TESC: variants seen among roughly 807,000 people sequenced by gnomAD.
TESC encodes tescalcin, also known as calcineurin B homologous protein 3.
Under a neutral mutation model 31.0 loss-of-function variants are expected in TESC, and 19 were observed. The observed-to-expected ratio is 0.61, with a 90% confidence interval of 0.43 to 0.90. The LOEUF (loss-of-function observed/expected upper bound fraction) is 0.90. Ranked by LOEUF, TESC falls within the 40% of genes least tolerant of loss-of-function variation. The pLI is 0.00. For missense variants in TESC, 248 were observed against 303.8 expected, an observed-to-expected ratio of 0.82 and a Z score of 1.36; for synonymous variants, 109 against 114.8, an observed-to-expected ratio of 0.95 and a Z score of 0.32.
intron 2 of TESC, among the ~76,000 whole-genome samples, chr12:117,074,725 T>C (rs1424370001): frequency 2.0e-5 from 3 of 152,002 alleles, no homozygotes; most frequent in Non-Finnish European, 4.4e-5. Flanking sequence ...GAAGTCAGGG[T>C]GAGGCATGGG....
At chr12:117,073,487 T>G (rs904906491) in intron 2 of TESC, among the ~76,000 whole-genome samples, 2 of 152,198 alleles carry the variant, frequency 1.3e-5, no homozygotes, top group Admixed American at 1.3e-4. Context: ...CTCTTGAAAT[T>G]AAGAATGAAA....
rs191809938 is a variant in TESC at position 117,070,507 on chromosome 12, G to A, written c.128+4764C>T. Among the ~76,000 whole-genome samples, 316 of 152,258 alleles carry A rather than the reference G, an allele frequency of 2.1e-3. 2 individuals carry two copies. The highest frequency in any genetic ancestry group is 7.3e-3 in the African/African-American group (304 of 41,544). ...GCTCTGAGACCAAGGCAGTGGTGAC[G>A]GGAATTATAAACGCACCTCCCCCAC... On this transcript the variant is annotated intron_variant, in intron 2 of 7. Transcript: ENST00000335209.
chr12:117,040,898 C>G (rs1217190667), intron 7 of TESC, among the ~76,000 whole-genome samples: 4 of 152,222 alleles, frequency 2.6e-5, no homozygotes, highest in Non-Finnish European at 5.9e-5. Context: ...GGCCAGAAGC[C>G]GTGATCCTTC....
At chr12:117,069,179 G>C (rs1457720419) in intron 2 of TESC, among the ~76,000 whole-genome samples, 1 of 152,078 alleles carries the variant, frequency 6.6e-6, no homozygotes, top group Non-Finnish European at 1.5e-5. Context: ...ATGAATTCAG[G>C]TCTTGAGGAT....
chr12:117,099,308 C>A lies in TESC; in HGVS notation c.-26G>T. The A allele has an allele frequency of 2.8e-6, 4 of 1,421,906 alleles. No homozygotes were observed. Among genetic ancestry groups the A allele is most frequent in the Admixed American group, 2.9e-5 (1 of 34,416 alleles). 88.1% of individuals were successfully genotyped at this position (1,421,906 alleles called of 1,614,324 possible). A position where few individuals can be genotyped will look rare whatever the true frequency, so the allele number is the denominator to read the frequency against. On this transcript the variant is annotated 5_prime_UTR_variant, in exon 1 of 8. Coordinates refer to ENST00000335209, the MANE Select transcript of TESC (RefSeq NM_017899.4). ...GGTGCCCGCGGCGGGGGCCCCGGGG[C>A]GCGCGTCCCTCTCAGGCCCCGCACT...
At chr12:117,065,453 G>C (rs1235168244) in intron 2 of TESC, among the ~76,000 whole-genome samples, 1 of 152,196 alleles carries the variant, frequency 6.6e-6, no homozygotes, top group African/African-American at 2.4e-5. Flanking sequence ...CACCACAGAG[G>C]AACGGGGGAC....
At chr12:117,097,187 A>G (rs1441257230) in intron 1 of TESC, among the ~76,000 whole-genome samples, 2 of 152,136 alleles carry the variant, frequency 1.3e-5, no homozygotes, top group East Asian at 1.9e-4. Context: ...CCACCTACCT[A>G]AAGTTCCACC....
intron 2 of TESC, among the ~76,000 whole-genome samples, chr12:117,066,993 C>A (rs1399491427): frequency 6.6e-6 from 1 of 152,208 alleles, no homozygotes; most frequent in Non-Finnish European, 1.5e-5. Flanking sequence ...CACCTTTTCA[C>A]ACCAAACTAC....
At chr12:117,078,575 G>T (rs1014039353) in intron 1 of TESC, among the ~76,000 whole-genome samples, 1 of 152,094 alleles carries the variant, frequency 6.6e-6, no homozygotes, top group Non-Finnish European at 1.5e-5. Flanking sequence ...ATTGTTTTTA[G>T]GTATACTGCC....
intron 1 of TESC, among the ~76,000 whole-genome samples, chr12:117,093,853 T>C (rs916190268): frequency 6.6e-6 from 1 of 152,028 alleles, no homozygotes; most frequent in East Asian, 1.9e-4. Flanking sequence ...AAGAGCTGTT[T>C]TGGAGCCTGA....
At chr12:117,045,838 G>A (rs1051767425) in intron 6 of TESC, among the ~76,000 whole-genome samples, 2 of 152,218 alleles carry the variant, frequency 1.3e-5, no homozygotes, top group African/African-American at 4.8e-5. Flanking sequence ...CGACACCCAG[G>A]TGGTCACCTG....
intron 6 of TESC, among the ~76,000 whole-genome samples, chr12:117,044,317 T>C (rs1337051156): frequency 1.3e-5 from 2 of 152,072 alleles, no homozygotes; most frequent in Non-Finnish European, 2.9e-5. Flanking sequence ...ACCCAGCAGT[T>C]CTCGGCTAGC....
intron 6 of TESC, among the ~76,000 whole-genome samples, chr12:117,042,897 T>C (rs1954505826): frequency 6.6e-6 from 1 of 152,108 alleles, no homozygotes; most frequent in Non-Finnish European, 1.5e-5. Flanking sequence ...CGCTAAGCTG[T>C]GGGAGTTACT....
chr12:117,044,340 T>C (rs1343009147), intron 6 of TESC, among the ~76,000 whole-genome samples: 1 of 152,062 alleles, frequency 6.6e-6, no homozygotes, highest in Admixed American at 6.5e-5. Flanking sequence ...GGGCCAGCCC[T>C]GTCCCTAATG....
At chr12:117,041,553 GA>G (rs1954483952) in intron 7 of TESC, among the ~76,000 whole-genome samples, 1 of 151,948 alleles carries the variant, frequency 6.6e-6, no homozygotes, top group Non-Finnish European at 1.5e-5. Context: ...AGCTGGTCTC[GA>G]ACTCCTGACG....
chr12:117,048,873 G>A (rs1954605672), intron 4 of TESC, 146 bp downstream of exon 4: 7 of 1,261,002 alleles, frequency 5.6e-6, no homozygotes, highest in Non-Finnish European at 7.8e-6. Context: ...AGCCTCACAG[G>A]GACGAGGGCT....
chr12:117,040,413 G>A (rs1592987312), intron 7 of TESC, among the ~76,000 whole-genome samples: 2 of 152,354 alleles, frequency 1.3e-5, no homozygotes, highest in South Asian at 4.1e-4. Flanking sequence ...AGGGGTACAG[G>A]GACAGGCTTG....
chr12:117,050,882 G>A (rs1954639211), intron 3 of TESC, among the ~76,000 whole-genome samples: 1 of 150,552 alleles, frequency 6.6e-6, no homozygotes, highest in South Asian at 2.1e-4. Flanking sequence ...CCAAGATCAC[G>A]CCACTGCACT....
intron 6 of TESC, 44 bp from the exon 7 acceptor site, chr12:117,042,038 C>T: frequency 1.3e-6 from 2 of 1,567,672 alleles, no homozygotes; most frequent in Non-Finnish European, 1.7e-6. Context: ...GCGCAGGTCC[C>T]CACACAGCTT....
Sources: allele counts gnomAD v4.1 joint callset (sites outside exome capture counted in the v4.1 genomes callset), GRCh38; gene constraint gnomAD v4.1.1; transcripts MANE v1.5; gene names NCBI Gene and HGNC (gene_info 2026-07-23, HGNC 2026-07-21).